The following FAM168A variants were observed in gnomAD, a reference collection of about 807,000 sequenced individuals.
FAM168A encodes protein FAM168A.
In FAM168A, 3 loss-of-function variants were observed where a neutral mutation model predicts 28.5. The observed-to-expected ratio is 0.11, with a 90% CI of 0.05 to 0.27. The LOEUF is 0.27. Among genes scored for constraint, FAM168A ranks in the 10% least tolerant of loss-of-function variants. The probability of loss-of-function intolerance (pLI) is 1.00; values close to 1 mark genes in which losing one functional copy is unlikely to be tolerated. For synonymous variants in FAM168A, 122 were observed against 124.2 expected (o/e 0.98, Z 0.12); for missense variants, 222 against 311.5 (o/e 0.71, Z 2.16).
chr11:73,411,294 C>T lies in FAM168A; in HGVS notation c.420+100G>A, dbSNP rs1866605616. The T allele has an allele frequency of 2.2e-6, 3 of 1,361,486 alleles. No homozygotes were observed. In the African/African-American group the frequency reaches 4.4e-5, roughly 20 times the overall value. 84.3% of individuals were successfully genotyped at this position (1,361,486 alleles called of 1,614,324 possible). On this transcript the variant is annotated intron_variant, in intron 5 of 7. Transcript: ENST00000356467. ...AGGACGGCTAGCCAGAGCCACAAAC[C>T]ATCCTCTCCTTCCCTCACTTCCTCA... is the stretch of plus-strand genomic sequence containing the variant.
intron 1 of FAM168A, among the ~76,000 whole-genome samples, chr11:73,540,044 C>T (rs1207454965): frequency 6.6e-6 from 1 of 152,194 alleles, no homozygotes; most frequent in African/African-American, 2.4e-5. Flanking sequence ...TCCCAAGCTG[C>T]TATTTTTGTA....
chr11:73,484,825 A>C (rs1868032223), intron 1 of FAM168A, among the ~76,000 whole-genome samples: 1 of 151,652 alleles, frequency 6.6e-6, no homozygotes, highest in Non-Finnish European at 1.5e-5. Context: ...CAAGCTGAGG[A>C]GCAAGGAAGC....
Position 73,530,261 on chromosome 11 carries a change from C to T in FAM168A, c.-18-61769G>A, listed in dbSNP as rs116094562. On this transcript the variant is annotated intron_variant, in intron 1 of 7. Coordinates refer to ENST00000356467, the MANE Select transcript of FAM168A (RefSeq NM_015159.3). ...TAAATTATTGCCTTACAGTTCCAAA[C>T]CAATTCTTCATTGCCTTGCTCTGTG... 6.4e-3 allele frequency among the ~76,000 whole-genome samples: 973 copies of T among 152,294 alleles called. 9 individuals are homozygous for T. Among genetic ancestry groups the T allele is most frequent in the African/African-American group, 0.022 (922 of 41,544 alleles).
chr11:73,518,159 C>T (rs987194675), intron 1 of FAM168A, among the ~76,000 whole-genome samples: 6 of 152,108 alleles, frequency 3.9e-5, no homozygotes, highest in African/African-American at 1.4e-4. Context: ...GGTGACTATC[C>T]AGGGATATTA....
intron 2 of FAM168A, among the ~76,000 whole-genome samples, chr11:73,451,490 G>A (rs1417222757): frequency 6.6e-6 from 1 of 152,190 alleles, no homozygotes; most frequent in African/African-American, 2.4e-5. Context: ...CACAATGACT[G>A]CCTGCAATAG....
chr11:73,482,088 T>A (rs1867974866), intron 1 of FAM168A, among the ~76,000 whole-genome samples: 1 of 152,038 alleles, frequency 6.6e-6, no homozygotes, highest in South Asian at 2.1e-4. Flanking sequence ...GCCTCTAGAA[T>A]TGTAAGAAAT....
chr11:73,472,080 G>A (rs1045863542), intron 1 of FAM168A, among the ~76,000 whole-genome samples: 3 of 152,110 alleles, frequency 2.0e-5, no homozygotes, highest in Non-Finnish European at 4.4e-5. Context: ...TGTGCTCCTT[G>A]TGAAAATCTA....
chr11:73,457,775 A>C (rs1867568939), intron 2 of FAM168A, among the ~76,000 whole-genome samples: 1 of 150,898 alleles, frequency 6.6e-6, no homozygotes, highest in African/African-American at 2.4e-5. Context: ...GAAAAGAAAA[A>C]AAAGGCTAAA....
chr11:73,463,509 G>C (rs1867685586), intron 2 of FAM168A, among the ~76,000 whole-genome samples: 1 of 152,198 alleles, frequency 6.6e-6, no homozygotes, highest in Non-Finnish European at 1.5e-5. Context: ...GAGATGTTCA[G>C]GAGACGGCTG....
At position 73,498,873 on chromosome 11, in the gene FAM168A, C is replaced by T. The variant is rs143517398; in HGVS notation, c.-18-30381G>A. 5.8e-3 allele frequency among the ~76,000 whole-genome samples: 890 copies of T among 152,306 alleles called. 8 individuals carry two copies. The highest frequency in any genetic ancestry group is 0.027 in the Middle Eastern group (8 of 294). Reference sequence around the variant, plus strand: ...GGGATGGAATTTGGATCTCCCTGGACCTGAGCCCCTAGCGGGGACGGGTAG... The same window carrying T: ...GGGATGGAATTTGGATCTCCCTGGATCTGAGCCCCTAGCGGGGACGGGTAG... On this transcript the variant is annotated intron_variant, in intron 1 of 7. Coordinates refer to ENST00000356467, the MANE Select transcript of FAM168A (RefSeq NM_015159.3).
chr11:73,592,757 C>T (rs1223176114), intron 1 of FAM168A, among the ~76,000 whole-genome samples: 1 of 151,674 alleles, frequency 6.6e-6, no homozygotes, highest in Non-Finnish European at 1.5e-5. Context: ...ATATTTTCTA[C>T]AAAAAGCATT....
intron 1 of FAM168A, among the ~76,000 whole-genome samples, chr11:73,473,654 C>G (rs1175186187): frequency 6.6e-6 from 1 of 152,138 alleles, no homozygotes; most frequent in East Asian, 1.9e-4. Context: ...TGCTTTTTCC[C>G]CACACCTAGA....
chr11:73,405,380 A>C lies in FAM168A; in HGVS notation c.*1383T>G, dbSNP rs1044221085. ...GGAGCCCAGAGACCATTCCAGACTC[A>C]CCAGGTATGGGCGCTGCCGACTTAA... On this transcript the variant is annotated 3_prime_UTR_variant, in exon 8 of 8. Transcript: ENST00000356467. 6.6e-6 allele frequency: 1 copy of C among 152,148 alleles called. No homozygotes were observed. The highest frequency in any genetic ancestry group is 1.5e-5 in the Non-Finnish European group (1 of 68,030). 9.4% of individuals were successfully genotyped at this position (152,148 alleles called of 1,614,324 possible). A position where few individuals can be genotyped will look rare whatever the true frequency, so the allele number is the denominator to read the frequency against.
intron 1 of FAM168A, among the ~76,000 whole-genome samples, chr11:73,486,984 T>C (rs1359924511): frequency 1.3e-5 from 2 of 152,236 alleles, no homozygotes; most frequent in South Asian, 2.1e-4. Context: ...ATCATCCACA[T>C]TGATGAGCCA....
intron 1 of FAM168A, among the ~76,000 whole-genome samples, chr11:73,529,796 C>CTTTTTT (rs772530179): frequency 2.6e-4 from 33 of 127,514 alleles, no homozygotes; most frequent in African/African-American, 1.0e-3. Context: ...ACTTTTTCTT[C>CTTTTTT]TTTTTTTTTT....
intron 1 of FAM168A, among the ~76,000 whole-genome samples, chr11:73,508,248 T>C (rs1472353407): frequency 1.3e-5 from 2 of 152,122 alleles, no homozygotes; most frequent in Non-Finnish European, 2.9e-5. Flanking sequence ...GGCTCTGAAG[T>C]TTAAAGTGCT....
At chr11:73,496,722 G>A (rs966431577) in intron 1 of FAM168A, among the ~76,000 whole-genome samples, 11 of 152,152 alleles carry the variant, frequency 7.2e-5, no homozygotes, top group Admixed American at 2.6e-4. Context: ...CACCATGCCC[G>A]GCTAATTTTT....
chr11:73,518,978 C>G (rs937664279), intron 1 of FAM168A, among the ~76,000 whole-genome samples: 1 of 152,178 alleles, frequency 6.6e-6, no homozygotes, highest in Non-Finnish European at 1.5e-5. Flanking sequence ...TGAGTGGAAG[C>G]AGCCTGAAGC....
At chr11:73,559,539 G>GCCA (rs1198981310) in intron 1 of FAM168A, among the ~76,000 whole-genome samples, 2 of 152,054 alleles carry the variant, frequency 1.3e-5, no homozygotes, top group Non-Finnish European at 2.9e-5. Context: ...GATGCAAAAG[G>GCCA]CCACACATTA....
Sources: allele counts gnomAD v4.1 joint callset (sites outside exome capture counted in the v4.1 genomes callset), GRCh38; gene constraint gnomAD v4.1.1; transcripts MANE v1.5; gene names NCBI Gene and HGNC (gene_info 2026-07-23, HGNC 2026-07-21).